The following LEMD3 variants were observed in gnomAD, a reference collection of about 807,000 sequenced individuals.
LEMD3 encodes inner nuclear membrane protein Man1.
A neutral mutation model predicts 95.2 loss-of-function variants in LEMD3; 33 were observed. The ratio of observed to expected loss-of-function variants is 0.35; its 90% CI spans 0.26 to 0.46. The LOEUF is 0.46. LEMD3 is among the 20% of genes least tolerant of loss of function. The probability of loss-of-function intolerance (pLI) is 1.00; values close to 1 mark genes in which losing one functional copy is unlikely to be tolerated. For synonymous variants in LEMD3, 525 were observed against 474.6 expected, an observed-to-expected ratio of 1.11 and a Z score of -1.38; for missense variants, 1,210 against 1,192.8, an observed-to-expected ratio of 1.01 and a Z score of -0.21.
In LEMD3 at chr12:65,229,332, G is replaced by A. The variant is rs189534585; in HGVS notation, c.1696-9170G>A. Reference sequence around the variant, plus strand: ...GATTCCATATTATTGTTAATAATGCGGCAATAAATGAGAGTACAGATACCT... The same window carrying A: ...GATTCCATATTATTGTTAATAATGCAGCAATAAATGAGAGTACAGATACCT... On this transcript the variant is annotated intron_variant, in intron 4 of 12. Coordinates refer to ENST00000308330, the MANE Select transcript of LEMD3 (RefSeq NM_014319.5). Among the ~76,000 whole-genome samples the A allele has an allele frequency of 3.3e-3, 500 of 152,008 alleles. 2 individuals carry two copies. Among genetic ancestry groups the A allele is most frequent in the African/African-American group, 0.011 (443 of 41,444 alleles).
Position 65,170,357 on chromosome 12 carries a change from G to A in LEMD3, c.761G>A (p.Cys254Tyr). The change falls in exon 1 of 13, where the codon TGC becomes TAC. Residue 254 changes from cysteine to tyrosine, a missense_variant. Coordinates refer to ENST00000308330, the MANE Select transcript of LEMD3 (RefSeq NM_014319.5). ...GGCAGCCGGCTTGTCCCCTACAGCT[G>A]CCGGGAAAACTATTCGGACTCAGAG... ...VNGSRLVPYS[C>Y]RENYSDSEEE... 6.2e-7 allele frequency: 1 copy of A among 1,611,752 alleles called. No homozygotes were observed. Among genetic ancestry groups the A allele is most frequent in the Non-Finnish European group, 8.5e-7 (1 of 1,178,922 alleles).
At chr12:65,174,361 A>G (rs1379929237) in intron 1 of LEMD3, among the ~76,000 whole-genome samples, 1 of 152,222 alleles carries the variant, frequency 6.6e-6, no homozygotes, top group East Asian at 1.9e-4. Flanking sequence ...TCAACCTGCA[A>G]TCAGAGTAGT....
intron 1 of LEMD3, among the ~76,000 whole-genome samples, chr12:65,186,512 A>G (rs1475410849): frequency 6.6e-6 from 1 of 151,940 alleles, no homozygotes; most frequent in Non-Finnish European, 1.5e-5. Context: ...TGGGTTAGGA[A>G]ATGAGAAACT....
intron 1 of LEMD3, among the ~76,000 whole-genome samples, chr12:65,194,887 A>AAATTATAATTTAGATTATAATTTAT (rs1592438517): frequency 5.6e-4 from 80 of 143,032 alleles, no homozygotes; most frequent in South Asian, 1.7e-3. Flanking sequence ...TATAATTTAT[A>AAATTATAATTTAGATTATAATTTAT]AAATTAAAAT....
chr12:65,213,685 A>G (rs191972820), intron 2 of LEMD3, among the ~76,000 whole-genome samples: 8 of 152,256 alleles, frequency 5.3e-5, no homozygotes, highest in Non-Finnish European at 7.4e-5. Flanking sequence ...ATCTAGTCCA[A>G]TGTTTAGTAT....
At position 65,247,658 on chromosome 12, in the gene LEMD3, C is replaced by T. The variant is rs1360521829; in HGVS notation, c.*1333C>T. Reference sequence around the variant, plus strand: ...CAGTCCAAATGAATATGTGAAACAGCTGGAATTGTACAAATTTTGGTTGTA... The same window carrying T: ...CAGTCCAAATGAATATGTGAAACAGTTGGAATTGTACAAATTTTGGTTGTA... On this transcript the variant is annotated 3_prime_UTR_variant, in exon 13 of 13. Transcript: ENST00000308330. 6.6e-6 allele frequency: 1 copy of T among 152,446 alleles called. No homozygotes were observed. Among genetic ancestry groups the T allele is most frequent in the Non-Finnish European group, 1.5e-5 (1 of 67,990 alleles). 9.4% of individuals were successfully genotyped at this position (152,446 alleles called of 1,614,324 possible). A position where few individuals can be genotyped will look rare whatever the true frequency, so the allele number is the denominator to read the frequency against.
At chr12:65,245,393 C>G in intron 10 of LEMD3, 1 of 374,434 alleles carries the variant, frequency 2.7e-6, no homozygotes, top group Admixed American at 4.2e-5. Flanking sequence ...CCTGCCTCGG[C>G]CTCTCAAAGT....
chr12:65,215,577 G>T (rs1469974641), intron 2 of LEMD3, among the ~76,000 whole-genome samples: 1 of 152,136 alleles, frequency 6.6e-6, no homozygotes, highest in African/African-American at 2.4e-5. Flanking sequence ...TTAGTTTTAT[G>T]TGGTTGAGTT....
chr12:65,180,728 G>T (rs1382350429), intron 1 of LEMD3, among the ~76,000 whole-genome samples: 1 of 152,072 alleles, frequency 6.6e-6, no homozygotes, highest in Non-Finnish European at 1.5e-5. Context: ...TTTGCAAGAT[G>T]ACTTCTGAAT....
chr12:65,189,203 A>G (rs1055177910), intron 1 of LEMD3, among the ~76,000 whole-genome samples: 1 of 152,184 alleles, frequency 6.6e-6, no homozygotes, highest in African/African-American at 2.4e-5. Flanking sequence ...TTTTTGGTCC[A>G]TGGTTGACCA....
At chr12:65,188,177 A>G (rs2136322885) in intron 1 of LEMD3, among the ~76,000 whole-genome samples, 1 of 151,650 alleles carries the variant, frequency 6.6e-6, no homozygotes, top group South Asian at 2.1e-4. Flanking sequence ...CCCCTCCAGT[A>G]TAGTATAAAG....
chr12:65,239,123 ATAAT>A (rs1475137837), intron 6 of LEMD3, among the ~76,000 whole-genome samples: 4 of 152,198 alleles, frequency 2.6e-5, no homozygotes, highest in African/African-American at 9.7e-5. Context: ...TTATTTTTAA[ATAAT>A]AAAGTGTTAT....
chr12:65,171,075 A>T lies in LEMD3; in HGVS notation c.1479A>T (p.Leu493=), dbSNP rs1868534543. The change falls in exon 1 of 13, where the codon CTA becomes CTT. Residue 493 remains leucine (L), a synonymous_variant. Coordinates refer to ENST00000308330, the MANE Select transcript of LEMD3 (RefSeq NM_014319.5). ...LFFLILGLTY[L]GMRGTGVSED... ...TCCTAATACTGGGACTGACTTACCT[A>T]GGAATGAGAGGGACAGGAGTATCTG... The T allele has an allele frequency of 6.2e-7, 1 of 1,613,746 alleles. No homozygotes were observed. Among genetic ancestry groups the T allele is most frequent in the Non-Finnish European group, 8.5e-7 (1 of 1,180,038 alleles).
At chr12:65,221,736 C>CT (rs57423350) in intron 4 of LEMD3, among the ~76,000 whole-genome samples, 20,255 of 127,216 alleles carry the variant, frequency 0.16, 2,116 homozygotes, top group African/African-American at 0.27. Context: ...GAAAATCTCT[C>CT]TTTTTTTTTT....
intron 1 of LEMD3, among the ~76,000 whole-genome samples, chr12:65,174,644 CTG>C (rs147473823): frequency 4.0e-5 from 6 of 151,110 alleles, no homozygotes; most frequent in Admixed American, 1.3e-4. Flanking sequence ...AAATACATCT[CTG>C]TGTGTGTGTG....
At position 65,241,396 on chromosome 12, in the gene LEMD3, GAC is replaced by G. The variant is rs1045011967; in HGVS notation, c.2305+313_2305+314del. On this transcript the variant is annotated intron_variant, in intron 9 of 12. Coordinates refer to ENST00000308330, the MANE Select transcript of LEMD3 (RefSeq NM_014319.5). The stretch of plus-strand genomic sequence containing the variant: ...TCATCTAATTTCTTTATGTAAATAA[GAC>G]ACATAATTTATGTTATATATACAAT... Among the ~76,000 whole-genome samples, 37 of 151,266 alleles carry G rather than the reference GAC, an allele frequency of 2.4e-4. No individual in the cohort carries two copies. The South Asian group carries it at 4.2e-3, about 17-fold the overall frequency.
chr12:65,224,502 C>A (rs1870390029), intron 4 of LEMD3, among the ~76,000 whole-genome samples: 1 of 151,970 alleles, frequency 6.6e-6, no homozygotes, highest in Admixed American at 6.6e-5. Flanking sequence ...GTACTGCTCC[C>A]CCCTCCCCCC....
At position 65,175,978 on chromosome 12, in the gene LEMD3, A is replaced by C. The variant is rs533931678; in HGVS notation, c.1522+4860A>C. Among the ~76,000 whole-genome samples, 3 of 152,010 alleles carry C rather than the reference A, an allele frequency of 2.0e-5. No homozygotes were observed. The East Asian group carries it at 5.8e-4, about 29-fold the overall frequency. On this transcript the variant is annotated intron_variant, in intron 1 of 12. Coordinates refer to ENST00000308330, the MANE Select transcript of LEMD3 (RefSeq NM_014319.5). ...TCCCTCACCTTCCTACAAACCCCCA[A>C]CCTAATTGGATACCAAGTCCTGTAG...
At chr12:65,194,745 T>G (rs1869356705) in intron 1 of LEMD3, among the ~76,000 whole-genome samples, 1 of 97,780 alleles carries the variant, frequency 1.0e-5, no homozygotes, top group South Asian at 3.2e-4. Context: ...AATTTTGTGG[T>G]CTTTCATTAG....
Sources: gnomAD v4.1 joint callset for allele counts (sites outside exome capture counted in the v4.1 genomes callset) on GRCh38, gnomAD v4.1.1 for gene constraint, MANE v1.5 for transcripts, NCBI Gene and HGNC (gene_info 2026-07-23, HGNC 2026-07-21) for gene names.